Variants in SYT6 observed in about 807,000 individuals in gnomAD.
SYT6 encodes the protein synaptotagmin-6.
SYT6 carries 24 observed loss-of-function variants against 38.4 expected under a neutral mutation model. That is an observed-to-expected ratio of 0.62 (90% CI 0.45 to 0.88). The LOEUF (loss-of-function observed/expected upper bound fraction) is 0.88, where lower values mean the gene tolerates loss of function less well. Ranked by LOEUF, SYT6 falls within the 40% of genes least tolerant of loss-of-function variation. SYT6 has a pLI of 0.00. For synonymous variants in SYT6, 265 were observed against 241.9 expected, an observed-to-expected ratio of 1.10 and a Z score of -0.89; for missense variants, 611 against 621.0, an observed-to-expected ratio of 0.98 and a Z score of 0.17.
chr1:114,097,817 G>T lies in SYT6; in HGVS notation c.1425C>A (p.Gly475=), dbSNP rs1244640980. Residue 475 remains glycine (G), a synonymous_variant, in exon 6 of 8, where the codon GGC becomes GGA. Transcript: ENST00000610222. ...CCAGCATCTCGTTCCAGTGGTCCCT[G>T]CCCAGGCCTTCAGCAGTGATCCCCA... The part of the protein sequence containing the change: ...CRVGITAEGL[G]RDHWNEMLAY... 4.3e-6 allele frequency: 7 copies of T among 1,614,122 alleles called. No homozygotes were observed. Among genetic ancestry groups the T allele is most frequent in the Admixed American group, 3.3e-5 (2 of 60,018 alleles).
intron 3 of SYT6, among the ~76,000 whole-genome samples, chr1:114,130,657 C>T (rs1467047834): frequency 3.9e-5 from 6 of 152,194 alleles, no homozygotes; most frequent in Admixed American, 2.6e-4. Context: ...TTTTTACTTG[C>T]TCTGAAACCT....
chr1:114,120,007 C>G (rs1036219446), intron 3 of SYT6, among the ~76,000 whole-genome samples: 1 of 149,896 alleles, frequency 6.7e-6, no homozygotes, highest in Admixed American at 6.7e-5. Context: ...GGAGGCGGAA[C>G]TTGCAGTGAG....
intron 7 of SYT6, among the ~76,000 whole-genome samples, chr1:114,093,155 C>T (rs1255940038): frequency 2.6e-5 from 4 of 152,000 alleles, no homozygotes; most frequent in Non-Finnish European, 4.4e-5. Context: ...GGTTTGGGGT[C>T]GGGGGAGGAT....
Position 114,137,637 on chromosome 1 carries a change from C to A in SYT6, c.929G>T (p.Arg310Leu). The A allele has an allele frequency of 6.2e-7, 1 of 1,614,126 alleles. No individual in the cohort carries two copies. The highest frequency in any genetic ancestry group is 8.5e-7 in the Non-Finnish European group (1 of 1,180,016). Residue 310 changes from arginine (R) to leucine (L), a missense_variant, in exon 3 of 8, where the codon CGC becomes CTC. Transcript: ENST00000610222. The part of the protein sequence containing the change: ...FPVPYEELAD[R>L]KLHLSVFDFD... Reference sequence around the variant, plus strand: ...GTCGAAGACACTGAGATGCAGCTTGCGGTCAGCCAGCTCCTCATAGGGCAC... The same window carrying A: ...GTCGAAGACACTGAGATGCAGCTTGAGGTCAGCCAGCTCCTCATAGGGCAC...
At chr1:114,122,095 A>C (rs945851959) in intron 3 of SYT6, among the ~76,000 whole-genome samples, 5 of 152,192 alleles carry the variant, frequency 3.3e-5, no homozygotes, top group Non-Finnish European at 5.9e-5. Context: ...TGCCCCTTGC[A>C]GGGTCTCATG....
chr1:114,127,156 G>C (rs1309285287), intron 3 of SYT6, among the ~76,000 whole-genome samples: 1 of 152,188 alleles, frequency 6.6e-6, no homozygotes, highest in African/African-American at 2.4e-5. Flanking sequence ...TAGCCCCCTG[G>C]AGCCAAGAAC....
At position 114,140,781 on chromosome 1, in the gene SYT6, C is replaced by A. The variant is rs146405542; in HGVS notation, c.164-818G>T. 1.2e-3 allele frequency among the ~76,000 whole-genome samples: 189 copies of A among 152,352 alleles called. 1 individual carries two copies. The highest frequency in any genetic ancestry group is 4.1e-3 in the African/African-American group (171 of 41,582). On this transcript the variant is annotated intron_variant, in intron 1 of 7. Coordinates refer to ENST00000610222, the MANE Select transcript of SYT6 (RefSeq NM_001253772.2). ...TGTGGCCACCCTGCCTTGAACAAGT[C>A]TTTCTGTGCCAGTTTTCCAACAGCA...
At chr1:114,097,970 G>T in intron 5 of SYT6, 93 bp from the exon 6 acceptor site, 1 of 1,419,006 alleles carries the variant, frequency 7.0e-7, no homozygotes, top group Non-Finnish European at 9.6e-7. Flanking sequence ...CTGCCCGATG[G>T]GTCTAACTCA....
intron 3 of SYT6, among the ~76,000 whole-genome samples, chr1:114,131,130 A>G (rs2101068747): frequency 6.6e-6 from 1 of 152,224 alleles, no homozygotes; most frequent in South Asian, 2.1e-4. Context: ...TGTCCCCAAG[A>G]CAGCAGAACT....
At position 114,103,740 on chromosome 1, in the gene SYT6, G is replaced by T; in HGVS notation, c.1072-19C>A. 1.2e-6 allele frequency: 2 copies of T among 1,609,110 alleles called. No homozygotes were observed. The highest frequency in any genetic ancestry group is 1.7e-6 in the Non-Finnish European group (2 of 1,177,486). The stretch of plus-strand genomic sequence containing the variant: ...CGCTTTCCTGCAAAGAAGCACACAA[G>T]AGGGCAGATGAGGGGCTTGCAGACC... On this transcript the variant is annotated intron_variant, in intron 3 of 7. Coordinates refer to ENST00000610222, the MANE Select transcript of SYT6 (RefSeq NM_001253772.2).
chr1:114,131,518 T>C (rs1678151245), intron 3 of SYT6, among the ~76,000 whole-genome samples: 1 of 152,232 alleles, frequency 6.6e-6, no homozygotes. Context: ...GCTTGCATAA[T>C]TGTGTTGTAA....
chr1:114,105,019 C>T (rs530751249), intron 3 of SYT6, among the ~76,000 whole-genome samples: 1 of 150,012 alleles, frequency 6.7e-6, no homozygotes, highest in South Asian at 2.2e-4. Context: ...TCCCCAGTGT[C>T]TATTGTTGCC....
At chr1:114,133,057 T>C (rs1286923560) in intron 3 of SYT6, among the ~76,000 whole-genome samples, 1 of 152,014 alleles carries the variant, frequency 6.6e-6, no homozygotes, top group East Asian at 1.9e-4. Flanking sequence ...CTGCATACCC[T>C]CAGTCCAGGC....
intron 3 of SYT6, among the ~76,000 whole-genome samples, chr1:114,116,941 C>T (rs1443148128): frequency 1.3e-5 from 2 of 152,232 alleles, no homozygotes; most frequent in African/African-American, 4.8e-5. Context: ...CAAGAACCTT[C>T]CCTTGGCCTC....
Position 114,103,738 on chromosome 1 carries a change from A to C in SYT6, c.1072-17T>G, listed in dbSNP as rs1676103649. On this transcript the variant is annotated splice_polypyrimidine_tract_variant and intron_variant, in intron 3 of 7. Transcript: ENST00000610222. ...CACGCTTTCCTGCAAAGAAGCACACAAGAGGGCAGATGAGGGGCTTGCAGA... is the reference window on the plus strand; with the variant it reads ...CACGCTTTCCTGCAAAGAAGCACACCAGAGGGCAGATGAGGGGCTTGCAGA... 6.2e-7 allele frequency: 1 copy of C among 1,610,936 alleles called. No homozygotes were observed.
chr1:114,151,163 C>A (rs1679420275), intron 1 of SYT6, among the ~76,000 whole-genome samples: 1 of 152,150 alleles, frequency 6.6e-6, no homozygotes, highest in African/African-American at 2.4e-5. Context: ...CATGGCATCT[C>A]CCCAGACCCT....
intron 6 of SYT6, among the ~76,000 whole-genome samples, chr1:114,096,551 C>T (rs1333122750): frequency 2.0e-5 from 3 of 152,234 alleles, no homozygotes; most frequent in Admixed American, 1.3e-4. Context: ...GGGTCCAATC[C>T]CCTTGGCTCT....
intron 4 of SYT6, among the ~76,000 whole-genome samples, chr1:114,099,801 T>A (rs1185177762): frequency 6.6e-6 from 1 of 152,016 alleles, no homozygotes; most frequent in Non-Finnish European, 1.5e-5. Flanking sequence ...ACAATCACAA[T>A]GCTGTTCATG....
At chr1:114,125,090 C>T (rs1468564120) in intron 3 of SYT6, among the ~76,000 whole-genome samples, 1 of 152,154 alleles carries the variant, frequency 6.6e-6, no homozygotes, top group Non-Finnish European at 1.5e-5. Flanking sequence ...ACCTCTGTTC[C>T]CTCCCACCTC....
Sources: allele counts gnomAD v4.1 joint callset (sites outside exome capture counted in the v4.1 genomes callset), GRCh38; gene constraint gnomAD v4.1.1; transcripts MANE v1.5; gene names NCBI Gene and HGNC (gene_info 2026-07-23, HGNC 2026-07-21).